The following NTNG1 variants were observed in gnomAD, a reference collection of about 807,000 sequenced individuals.
NTNG1 encodes the protein netrin G1.
In NTNG1, 16 loss-of-function variants were observed where a neutral mutation model predicts 54.0. That is an observed-to-expected ratio of 0.30 (90% confidence interval 0.20 to 0.45). The LOEUF is 0.45. NTNG1 is among the 20% of genes least tolerant of loss of function. The pLI is 1.00. For missense variants in NTNG1, 530 were observed against 678.7 expected, an observed-to-expected ratio of 0.78 and a Z score of 2.43; for synonymous variants, 255 against 263.1, an observed-to-expected ratio of 0.97 and a Z score of 0.30.
chr1:107,472,659 C>T (rs562829599), intron 7 of NTNG1, among the ~76,000 whole-genome samples: 2 of 151,838 alleles, frequency 1.3e-5, no homozygotes, highest in Non-Finnish European at 2.9e-5. Context: ...TGTGTTTTCC[C>T]TTTGCACCAT....
At chr1:107,297,295 A>G (rs971605955) in intron 2 of NTNG1, among the ~76,000 whole-genome samples, 7 of 148,280 alleles carry the variant, frequency 4.7e-5, no homozygotes, top group African/African-American at 1.7e-4. Context: ...TTGTAAATTG[A>G]AGATTGAAGA....
chr1:107,454,726 G>C (rs1558011947), intron 7 of NTNG1, among the ~76,000 whole-genome samples: 1 of 152,160 alleles, frequency 6.6e-6, no homozygotes, highest in East Asian at 1.9e-4. Context: ...ATGAAAAAGA[G>C]GTAACCTTAT....
intron 2 of NTNG1, among the ~76,000 whole-genome samples, chr1:107,193,687 A>G (rs774771018): frequency 6.6e-6 from 1 of 151,962 alleles, no homozygotes; most frequent in Non-Finnish European, 1.5e-5. Flanking sequence ...TACAAGGTTT[A>G]TATTTTTAAT....
At chr1:107,141,512 C>A (rs1289699133) in intron 1 of NTNG1, 3 of 151,896 alleles carry the variant, frequency 2.0e-5, no homozygotes, top group Non-Finnish European at 2.9e-5. Context: ...CTCGCCCGTG[C>A]CCCTCTCCCC....
At chr1:107,208,621 G>C (rs1169046925) in intron 2 of NTNG1, among the ~76,000 whole-genome samples, 1 of 152,084 alleles carries the variant, frequency 6.6e-6, no homozygotes, top group Non-Finnish European at 1.5e-5. Context: ...CAGAGGCCTG[G>C]CAGGGAGAAA....
rs142075621 is a variant in NTNG1 at position 107,240,358 on chromosome 1, G to A, written c.247-83924G>A. ...TTCACACTAGCAGTAAATGGTGACG[G>A]TCAGTAGTTGAAGTCACGCTGCTTA... On this transcript the variant is annotated intron_variant, in intron 2 of 7. Transcript: ENST00000370068. Among the ~76,000 whole-genome samples the A allele has an allele frequency of 9.2e-5, 14 of 151,720 alleles. No individual in the cohort carries two copies. In the East Asian group the frequency reaches 2.1e-3, roughly 23 times the overall value.
chr1:107,165,822 G>C (rs1570745239), intron 2 of NTNG1, among the ~76,000 whole-genome samples: 1 of 152,296 alleles, frequency 6.6e-6, no homozygotes, highest in East Asian at 1.9e-4. Context: ...GTAACCTCAT[G>C]AAGAATCTGG....
At chr1:107,225,122 G>C (rs1660589436) in intron 2 of NTNG1, among the ~76,000 whole-genome samples, 2 of 152,120 alleles carry the variant, frequency 1.3e-5, no homozygotes, top group Non-Finnish European at 2.9e-5. Context: ...AAACAAGTGT[G>C]TTCCAAGGAA....
chr1:107,145,543 G>A (rs1009364002), intron 1 of NTNG1, among the ~76,000 whole-genome samples: 1 of 151,992 alleles, frequency 6.6e-6, no homozygotes, highest in African/African-American at 2.4e-5. Flanking sequence ...ATCTTTTTCT[G>A]TGTCAATGGG....
intron 7 of NTNG1, among the ~76,000 whole-genome samples, chr1:107,462,575 C>A (rs994047143): frequency 6.6e-6 from 1 of 152,232 alleles, no homozygotes; most frequent in Non-Finnish European, 1.5e-5. Flanking sequence ...CTTCCACCAC[C>A]AAATGTGATA....
intron 7 of NTNG1, among the ~76,000 whole-genome samples, chr1:107,469,922 G>C (rs1347805764): frequency 1.3e-5 from 2 of 151,998 alleles, no homozygotes; most frequent in East Asian, 3.8e-4. Flanking sequence ...TACTAGAAAG[G>C]TGGTGAGATA....
chr1:107,463,344 A>AGTTAAGAATCTATTGAC lies in NTNG1; in HGVS notation c.1391-17261_1391-17245dup, dbSNP rs1161735313. 6.8e-4 allele frequency among the ~76,000 whole-genome samples: 104 copies of AGTTAAGAATCTATTGAC among 152,338 alleles called. 1 individual carries two copies. The highest frequency in any genetic ancestry group is 7.4e-5 in the Non-Finnish European group (5 of 68,024). ...CTCACTTTATTGCTCTTGGCAATAT[A>AGTTAAGAATCTATTGAC]GTTAAGAATCTATTGACGTTAACAT... On this transcript the variant is annotated intron_variant, in intron 7 of 7. Transcript: ENST00000370068.
At chr1:107,161,228 T>C (rs1655374307) in intron 2 of NTNG1, among the ~76,000 whole-genome samples, 1 of 152,212 alleles carries the variant, frequency 6.6e-6, no homozygotes, top group South Asian at 2.1e-4. Flanking sequence ...CAAAGATTAT[T>C]GCTCTGATAT....
At chr1:107,362,505 C>T (rs1670360805) in intron 3 of NTNG1, among the ~76,000 whole-genome samples, 1 of 152,162 alleles carries the variant, frequency 6.6e-6, no homozygotes, top group Non-Finnish European at 1.5e-5. Flanking sequence ...TAAGTAGGAA[C>T]ATGAATTAGT....
chr1:107,411,056 C>A (rs1673765975), intron 5 of NTNG1, among the ~76,000 whole-genome samples: 1 of 152,032 alleles, frequency 6.6e-6, no homozygotes, highest in Non-Finnish European at 1.5e-5. Flanking sequence ...ATAACACAAA[C>A]AAAAGAAGAG....
In NTNG1 at chr1:107,199,340, A is replaced by AT. The variant is rs1197900423; in HGVS notation, c.246+50502dup. Among the ~76,000 whole-genome samples the AT allele has an allele frequency of 1.9e-4, 4 of 20,990 alleles. No individual in the cohort carries two copies. The Non-Finnish European group carries it at 0.011, about 56-fold the overall frequency. The allele number at this position is 20,990 out of a possible 152,430, so 13.8% of individuals were successfully genotyped here. ...ACATTACATATGTTGTATTTAGGCC[A>AT]TAAAAAAAATGCTATAGTGAGACTT... On this transcript the variant is annotated intron_variant, in intron 2 of 7. Transcript: ENST00000370068.
chr1:107,299,466 A>G (rs979908011), intron 2 of NTNG1, among the ~76,000 whole-genome samples: 1 of 152,158 alleles, frequency 6.6e-6, no homozygotes, highest in African/African-American at 2.4e-5. Flanking sequence ...TATAGAAATA[A>G]CTATTATTTT....
chr1:107,301,361 A>G (rs566707641), intron 2 of NTNG1, among the ~76,000 whole-genome samples: 36 of 152,270 alleles, frequency 2.4e-4, no homozygotes, highest in Non-Finnish European at 4.7e-4. Flanking sequence ...AAACACAAAC[A>G]GAGGAGGAAT....
At chr1:107,354,955 T>C (rs1669849763) in intron 3 of NTNG1, among the ~76,000 whole-genome samples, 1 of 152,164 alleles carries the variant, frequency 6.6e-6, no homozygotes, top group African/African-American at 2.4e-5. Context: ...TGCCCAGCTG[T>C]TAGTATCCTA....
Sources: gnomAD v4.1 joint callset for allele counts (sites outside exome capture counted in the v4.1 genomes callset) on GRCh38, gnomAD v4.1.1 for gene constraint, MANE v1.5 for transcripts, NCBI Gene and HGNC (gene_info 2026-07-23, HGNC 2026-07-21) for gene names.